KRT26: variants seen among roughly 807,000 people sequenced by gnomAD.
The protein encoded by KRT26 is keratin, type I cytoskeletal 26.
In KRT26, 45 loss-of-function variants were observed where a neutral mutation model predicts 46.1. That is an observed-to-expected ratio of 0.98 (90% confidence interval 0.77 to 1.25). The LOEUF is 1.25. Among genes scored for constraint, KRT26 ranks in the 50% most tolerant of loss-of-function variants. The pLI is 0.00. For synonymous variants in KRT26, 191 were observed against 209.9 expected, an observed-to-expected ratio of 0.91 and a Z score of 0.78; for missense variants, 582 against 560.1, an observed-to-expected ratio of 1.04 and a Z score of -0.39.
exon 5 of KRT26, chr17:40,769,865 T>C (rs1304317045): frequency 6.2e-7 from 1 of 1,614,092 alleles, no homozygotes; most frequent in East Asian, 2.2e-5. Context: ...AAATCTGTTG[T>C]TGCAGCGTTG....
intron 6 of KRT26, among the ~76,000 whole-genome samples, chr17:40,768,410 T>C (rs1441888215): frequency 6.6e-6 from 1 of 152,228 alleles, no homozygotes; most frequent in Non-Finnish European, 1.5e-5. Flanking sequence ...CAGTATTTGA[T>C]TCACAGCCAG....
At chr17:40,766,298 TA>T (rs1317569162) in exon 8 of KRT26, 1 of 367,126 alleles carries the variant, frequency 2.7e-6, no homozygotes, top group African/African-American at 2.1e-5. Flanking sequence ...AAACAAAAAT[TA>T]GGGACAGAGC....
chr17:40,770,935 G>C (rs1275440328), intron 2 of KRT26, among the ~76,000 whole-genome samples: 1 of 151,964 alleles, frequency 6.6e-6, no homozygotes, highest in Non-Finnish European at 1.5e-5. Flanking sequence ...CAAGTGATCT[G>C]CCTGCCTCAG....
chr17:40,769,338 G>A lies in KRT26; in HGVS notation c.970-242C>T, dbSNP rs141124868. On this transcript the variant is annotated intron_variant, in intron 5 of 7. Coordinates refer to ENST00000335552, the Ensembl canonical transcript of KRT26. ...CACCCAGCTAATTTTTATATTTTTA[G>A]TAGAGATGGGGTTTCACCATGTTGG... 4.4e-3 allele frequency among the ~76,000 whole-genome samples: 669 copies of A among 152,114 alleles called. 6 individuals are homozygous for A. Among genetic ancestry groups the A allele is most frequent in the Non-Finnish European group, 6.6e-3 (448 of 67,982 alleles).
At chr17:40,769,929 A>C (rs758496354) in intron 4 of KRT26, 32 bp downstream of exon 4, 1 of 1,614,100 alleles carries the variant, frequency 6.2e-7, no homozygotes, top group Admixed American at 1.7e-5. Context: ...TTGTCTCCTG[A>C]GCAAGCCCTT....
At chr17:40,769,993 G>T (rs578121706) in exon 4 of KRT26, 1 of 1,614,132 alleles carries the variant, frequency 6.2e-7, no homozygotes, top group Non-Finnish European at 8.5e-7. Flanking sequence ...GCATCTTTGC[G>T]GTTCTGCTCA....
chr17:40,768,669 A>G (rs924921628), intron 6 of KRT26, among the ~76,000 whole-genome samples: 2 of 152,200 alleles, frequency 1.3e-5, no homozygotes, highest in Admixed American at 1.3e-4. Context: ...TTTATATATT[A>G]TACATACAAA....
At chr17:40,766,622 C>G (rs779542167) in exon 8 of KRT26, 1 of 1,613,010 alleles carries the variant, frequency 6.2e-7, no homozygotes, top group South Asian at 1.1e-5. Flanking sequence ...CCAATTTGAT[C>G]CAGTTCCTCA....
chr17:40,767,361 G>A (rs1292010418), intron 7 of KRT26, among the ~76,000 whole-genome samples: 1 of 152,162 alleles, frequency 6.6e-6, no homozygotes, highest in African/African-American at 2.4e-5. Flanking sequence ...GAAACATGTT[G>A]TGGGATTAAT....
At chr17:40,766,643 T>C (rs1329089906) in exon 8 of KRT26, 2 of 1,612,242 alleles carry the variant, frequency 1.2e-6, no homozygotes, top group East Asian at 4.5e-5. Flanking sequence ...ACCACTGTTT[T>C]AACAATAGTT....
rs545786022 is a variant in KRT26 at position 40,771,012 on chromosome 17, G to T, written c.524+142C>A. ...CAACCATGATAGCTCTTTTTATAAC[G>T]GCTTATTTAATTCAATTTCTTTATT... On this transcript the variant is annotated intron_variant, in intron 2 of 7. Transcript: ENST00000335552. The T allele has an allele frequency of 2.7e-5, 14 of 509,120 alleles. No homozygotes were observed. The South Asian group carries it at 3.9e-4, about 14-fold the overall frequency. 31.5% of individuals were successfully genotyped at this position (509,120 alleles called of 1,614,324 possible).
Position 40,768,873 on chromosome 17 carries a change from C to A in KRT26, c.1187+6G>T, listed in dbSNP as rs778632954. 3.2e-4 allele frequency: 357 copies of A among 1,124,446 alleles called. No homozygotes were observed. The highest frequency in any genetic ancestry group is 3.9e-4 in the Non-Finnish European group (310 of 801,926). The allele number at this position is 1,124,446 out of a possible 1,614,324, so 69.7% of individuals were successfully genotyped here. On this transcript the variant is annotated splice_donor_region_variant and intron_variant, in intron 6 of 7. Transcript: ENST00000335552. Reference sequence around the variant, plus strand: ...TTTTTTTTTTTTTTTGCAAGTTAATCTTTACCTTTCTTCTCCATCTAGTAA... The same window carrying A: ...TTTTTTTTTTTTTTTGCAAGTTAATATTTACCTTTCTTCTCCATCTAGTAA...
exon 1 of KRT26, chr17:40,772,060 A>G: frequency 6.2e-7 from 1 of 1,614,176 alleles, no homozygotes; most frequent in Non-Finnish European, 8.5e-7. Flanking sequence ...ACAGCCTACC[A>G]GACCCAGTTC....
exon 3 of KRT26, chr17:40,770,392 G>A (rs751034030): frequency 6.3e-7 from 1 of 1,594,478 alleles, no homozygotes; most frequent in East Asian, 2.2e-5. Context: ...GTGGTGCAGA[G>A]CCAGCTCATT....
At chr17:40,769,355 C>T (rs1329692141) in intron 5 of KRT26, among the ~76,000 whole-genome samples, 2 of 152,090 alleles carry the variant, frequency 1.3e-5, no homozygotes. Flanking sequence ...TGGGGTTTCA[C>T]CATGTTGGCC....
chr17:40,768,474 A>G lies in KRT26; in HGVS notation c.1187+405T>C, dbSNP rs752769324. On this transcript the variant is annotated intron_variant, in intron 6 of 7. Transcript: ENST00000335552. Reference sequence around the variant, plus strand: ...ACTAAGAAACTATGGTGCCTCTCCAATTAATTCTTCCTATATCTTCATTGC... The same window carrying G: ...ACTAAGAAACTATGGTGCCTCTCCAGTTAATTCTTCCTATATCTTCATTGC... Among the ~76,000 whole-genome samples the G allele has an allele frequency of 1.1e-4, 17 of 152,240 alleles. 1 individual carries two copies. Among genetic ancestry groups the G allele is most frequent in the African/African-American group, 1.7e-4 (7 of 41,462 alleles).
At chr17:40,767,559 C>A in intron 7 of KRT26, 27 bp downstream of exon 7, 27 of 1,429,060 alleles carry the variant, frequency 1.9e-5, no homozygotes, top group Non-Finnish European at 2.6e-5. Context: ...TAAGGAGTTA[C>A]ACCAGGTAAA....
intron 7 of KRT26, among the ~76,000 whole-genome samples, chr17:40,766,936 C>T (rs1567672101): frequency 6.6e-6 from 1 of 152,134 alleles, no homozygotes; most frequent in Non-Finnish European, 1.5e-5. Context: ...GATGGAGTTT[C>T]ACCATGTTGA....
In KRT26 at chr17:40,770,409, C is replaced by A. The variant is rs1322182147; in HGVS notation, c.525G>T (p.Lys175Asn). The change falls in exon 3 of 8, where the codon AAG (lysine) becomes AAT (asparagine). Residue 175 changes from lysine (K) to asparagine (N), a missense_variant and splice_region_variant. Coordinates refer to ENST00000335552, the Ensembl canonical transcript of KRT26. ...GGTGCAGAGCCAGCTCATTTTCATA[C>A]CTGAAAGATTAGTAAGGCACCTGAG... is the stretch of plus-strand genomic sequence containing the variant. The A allele has an allele frequency of 7.0e-6, 11 of 1,581,612 alleles. No individual in the cohort carries two copies. The East Asian group carries it at 1.3e-4, about 19-fold the overall frequency.
Sources: gnomAD v4.1 joint callset for allele counts (sites outside exome capture counted in the v4.1 genomes callset) on GRCh38, gnomAD v4.1.1 for gene constraint, MANE v1.5 for transcripts, NCBI Gene and HGNC (gene_info 2026-07-23, HGNC 2026-07-21) for gene names.